RNF217: variants seen among roughly 807,000 people sequenced by gnomAD.
RNF217 encodes the protein E3 ubiquitin-protein ligase RNF217.
In RNF217, 31 loss-of-function variants were observed where a neutral mutation model predicts 57.8. That is an observed-to-expected ratio of 0.54 (90% CI 0.40 to 0.72). The LOEUF is 0.72. Ranked by LOEUF, RNF217 falls within the 30% of genes least tolerant of loss-of-function variation. RNF217 has a pLI of 0.00. For synonymous variants in RNF217, 313 were observed against 294.0 expected, an observed-to-expected ratio of 1.06 and a Z score of -0.66; for missense variants, 696 against 708.3, an observed-to-expected ratio of 0.98 and a Z score of 0.20.
rs1224348542 is a variant in RNF217, at chr6:124,969,524, T to C, written c.882+6098T>C. ...ATCACTACTATTTGCCCCACCAATT[T>C]TGGGATAACTGCACTTGAATTTGCA... On this transcript the variant is annotated intron_variant, in intron 1 of 5. Transcript: ENST00000521654. Among the ~76,000 whole-genome samples, 6 of 152,152 alleles carry C rather than the reference T, an allele frequency of 3.9e-5. No individual in the cohort carries two copies. The East Asian group carries it at 1.2e-3, about 29-fold the overall frequency.
intron 3 of RNF217, among the ~76,000 whole-genome samples, chr6:125,062,563 T>TTTTG (rs997834189): frequency 1.3e-5 from 2 of 152,078 alleles, no homozygotes; most frequent in Admixed American, 6.6e-5. Flanking sequence ...TTATTGTTCC[T>TTTTG]TTTGTTTGTT....
At chr6:125,042,686 C>T (rs1786930767) in intron 1 of RNF217, among the ~76,000 whole-genome samples, 1 of 152,018 alleles carries the variant, frequency 6.6e-6, no homozygotes, top group Non-Finnish European at 1.5e-5. Context: ...TTAACAAATA[C>T]CCACTGCTGA....
intron 3 of RNF217, 27 bp from the exon 4 acceptor site, chr6:125,076,630 T>G (rs1351972450): frequency 6.5e-7 from 1 of 1,547,086 alleles, no homozygotes; most frequent in Non-Finnish European, 8.9e-7. Context: ...AACTCTTTCC[T>G]TCTCCTTCCC....
chr6:125,053,560 T>C (rs1434315628), intron 2 of RNF217, among the ~76,000 whole-genome samples: 1 of 152,152 alleles, frequency 6.6e-6, no homozygotes, highest in Non-Finnish European at 1.5e-5. Flanking sequence ...TATAGGGGTA[T>C]CTAGAATTTA....
At chr6:125,051,891 C>G (rs185236487) in intron 2 of RNF217, among the ~76,000 whole-genome samples, 1 of 151,888 alleles carries the variant, frequency 6.6e-6, no homozygotes. Context: ...TTTCCAGTAC[C>G]CTTTGTGTTC....
intron 1 of RNF217, among the ~76,000 whole-genome samples, chr6:125,016,089 G>C (rs1167757667): frequency 6.6e-6 from 1 of 152,050 alleles, no homozygotes; most frequent in Non-Finnish European, 1.5e-5. Flanking sequence ...GAAGAAATGA[G>C]AATATAAGGG....
intron 1 of RNF217, among the ~76,000 whole-genome samples, chr6:125,031,124 G>A (rs1043622328): frequency 1.3e-5 from 2 of 152,226 alleles, no homozygotes; most frequent in African/African-American, 4.8e-5. Flanking sequence ...AGCCATGGCT[G>A]GAGCAGCTGG....
chr6:125,083,599 A>G lies in RNF217; in HGVS notation c.*662A>G, dbSNP rs1265983223. The G allele has an allele frequency of 6.6e-6, 1 of 152,066 alleles. No homozygotes were observed. Among genetic ancestry groups the G allele is most frequent in the Non-Finnish European group, 1.5e-5 (1 of 68,008 alleles). The allele number at this position is 152,066 out of a possible 1,614,324, so 9.4% of individuals were successfully genotyped here. On this transcript the variant is annotated 3_prime_UTR_variant, in exon 6 of 6. Coordinates refer to ENST00000521654, the MANE Select transcript of RNF217 (RefSeq NM_001286398.3). ...TTAAAACTAGGCCCAGTAACCTTGT[A>G]CTTACCCAGTTCCATGCCGCTACAC...
chr6:125,007,943 G>A (rs1367906840), intron 1 of RNF217, among the ~76,000 whole-genome samples: 1 of 152,066 alleles, frequency 6.6e-6, no homozygotes, highest in Admixed American at 6.5e-5. Context: ...AAATTTAAAA[G>A]TTGTAAAAAT....
At position 125,058,789 on chromosome 6, in the gene RNF217, T is replaced by C. The variant is rs533749275; in HGVS notation, c.1281+683T>C. ...TAAATTCAACCAGAAAACTTTGGACTTGATGTCTATAGTATAGGGATCTGT... is the reference window on the plus strand; with the variant it reads ...TAAATTCAACCAGAAAACTTTGGACCTGATGTCTATAGTATAGGGATCTGT... On this transcript the variant is annotated intron_variant, in intron 3 of 5. Transcript: ENST00000521654. Among the ~76,000 whole-genome samples the C allele has an allele frequency of 4.4e-4, 67 of 152,294 alleles. No homozygotes were observed. The East Asian group carries it at 0.012, about 27-fold the overall frequency.
intron 1 of RNF217, among the ~76,000 whole-genome samples, chr6:124,965,932 A>G (rs1783521040): frequency 6.6e-6 from 1 of 152,214 alleles, no homozygotes; most frequent in Non-Finnish European, 1.5e-5. Flanking sequence ...TTTAGCATCT[A>G]CAGCGTTGTC....
intron 1 of RNF217, among the ~76,000 whole-genome samples, chr6:125,023,499 T>TA (rs1785936751): frequency 6.6e-6 from 1 of 152,192 alleles, no homozygotes; most frequent in Non-Finnish European, 1.5e-5. Context: ...GTACAGCCAT[T>TA]ACAGAAGACA....
chr6:125,081,359 A>C, intron 4 of RNF217, 77 bp from the exon 5 acceptor site: 1 of 1,039,746 alleles, frequency 9.6e-7, no homozygotes, highest in South Asian at 1.4e-5. Context: ...ACACTGTGGT[A>C]TTTAAAAAGC....
At chr6:125,065,017 G>A (rs902223679) in intron 3 of RNF217, among the ~76,000 whole-genome samples, 2 of 151,714 alleles carry the variant, frequency 1.3e-5, no homozygotes, top group Non-Finnish European at 2.9e-5. Context: ...CAATCACGCC[G>A]GTAATCCCAG....
chr6:125,001,929 C>T (rs1785003688), intron 1 of RNF217, among the ~76,000 whole-genome samples: 1 of 152,190 alleles, frequency 6.6e-6, no homozygotes, highest in African/African-American at 2.4e-5. Flanking sequence ...TCAGGCAGAC[C>T]TCTAGAATCA....
intron 1 of RNF217, among the ~76,000 whole-genome samples, chr6:125,039,548 A>G (rs1562481209): frequency 6.6e-6 from 1 of 152,126 alleles, no homozygotes. Flanking sequence ...CAACAAGACA[A>G]AATTAACAAG....
chr6:124,982,026 C>CAAA (rs373182508), intron 1 of RNF217, among the ~76,000 whole-genome samples: 22 of 58,230 alleles, frequency 3.8e-4, no homozygotes, highest in East Asian at 5.7e-4. Flanking sequence ...GACTCTGTCT[C>CAAA]AAAAAAAAAA....
intron 3 of RNF217, among the ~76,000 whole-genome samples, chr6:125,074,419 A>G (rs1420797817): frequency 6.6e-6 from 1 of 152,120 alleles, no homozygotes; most frequent in Admixed American, 6.6e-5. Context: ...ACTATGATTA[A>G]TGGCCGTTAT....
intron 1 of RNF217, among the ~76,000 whole-genome samples, chr6:125,008,048 A>G (rs546597379): frequency 6.6e-6 from 1 of 152,222 alleles, no homozygotes; most frequent in South Asian, 2.1e-4. Flanking sequence ...CGAGGTCAGT[A>G]GATCAAGACC....
Sources: allele counts gnomAD v4.1 joint callset (sites outside exome capture counted in the v4.1 genomes callset), GRCh38; gene constraint gnomAD v4.1.1; transcripts MANE v1.5; gene names NCBI Gene and HGNC (gene_info 2026-07-23, HGNC 2026-07-21).